The following TTC3 variants were observed in gnomAD, a reference collection of about 807,000 sequenced individuals.
TTC3 encodes tetratricopeptide repeat domain 3.
TTC3 carries 180 observed loss-of-function variants against 249.6 expected under a neutral mutation model. The ratio of observed to expected loss-of-function variants is 0.72; its 90% confidence interval spans 0.64 to 0.82. The LOEUF is 0.82. TTC3 is among the 40% of genes least tolerant of loss of function. The pLI is 0.00. For missense variants in TTC3, 2,061 were observed against 2,398.4 expected (o/e 0.86, Z 2.94); for synonymous variants, 717 against 805.0 (o/e 0.89, Z 1.85).
exon 46 of TTC3, chr21:37,201,989 T>C (rs2085544927): frequency 6.4e-6 from 1 of 157,072 alleles, no homozygotes; most frequent in Admixed American, 6.4e-5. Context: ...AGAGAGATGA[T>C]ACTGACTTTT....
At chr21:37,084,314 A>G (rs537273377) in intron 1 of TTC3, 8 of 152,338 alleles carry the variant, frequency 5.3e-5, no homozygotes, top group African/African-American at 1.7e-4. Context: ...CTGAGGAGGA[A>G]GTGGTCCACA....
At chr21:37,115,174 T>TGTA (rs71328555) in intron 11 of TTC3, among the ~76,000 whole-genome samples, 1 of 144,500 alleles carries the variant, frequency 6.9e-6, no homozygotes, top group Non-Finnish European at 1.5e-5. Context: ...AAACTTAAAG[T>TGTA]ATAATAATAA....
chr21:37,107,613 A>C (rs1241867200), intron 10 of TTC3: 1 of 152,212 alleles, frequency 6.6e-6, no homozygotes, highest in African/African-American at 2.4e-5. Flanking sequence ...CAGAGATGTT[A>C]ATAACTCCCT....
Position 37,166,633 on chromosome 21 carries a change from A to G in TTC3, c.4401+18A>G. The G allele has an allele frequency of 6.3e-7, 1 of 1,578,650 alleles. No individual in the cohort carries two copies. The highest frequency in any genetic ancestry group is 8.6e-7 in the Non-Finnish European group (1 of 1,160,798). Reference sequence around the variant, plus strand: ...CCATACAGGTAAGAGTTAAATAGAAAAGTCTTCTTAATACTGAAGTTAAAT... The same window carrying G: ...CCATACAGGTAAGAGTTAAATAGAAGAGTCTTCTTAATACTGAAGTTAAAT... On this transcript the variant is annotated intron_variant, in intron 33 of 45. Coordinates refer to ENST00000355666, the Ensembl canonical transcript of TTC3.
chr21:37,166,723 T>C, intron 33 of TTC3, 108 bp downstream of exon 33: 1 of 1,436,748 alleles, frequency 7.0e-7, no homozygotes. Context: ...GACTTTATAA[T>C]GATTACTGAA....
chr21:37,085,195 C>T (rs1040337332), intron 1 of TTC3, among the ~76,000 whole-genome samples: 10 of 152,068 alleles, frequency 6.6e-5, no homozygotes, highest in African/African-American at 1.9e-4. Flanking sequence ...TTGGCTCTTT[C>T]TGTATTTTAT....
intron 35 of TTC3, among the ~76,000 whole-genome samples, chr21:37,174,674 A>G (rs532856226): frequency 1.3e-5 from 2 of 152,310 alleles, no homozygotes; most frequent in South Asian, 2.1e-4. Flanking sequence ...CAGGGAAGCT[A>G]TAGAAATCTG....
At chr21:37,171,683 G>A (rs2081804255) in intron 34 of TTC3, among the ~76,000 whole-genome samples, 1 of 152,164 alleles carries the variant, frequency 6.6e-6, no homozygotes, top group South Asian at 2.1e-4. Context: ...AGTTAAGCAT[G>A]GACTCTATTT....
At chr21:37,198,440 A>G (rs2085149331) in intron 44 of TTC3, among the ~76,000 whole-genome samples, 1 of 152,196 alleles carries the variant, frequency 6.6e-6, no homozygotes, top group South Asian at 2.1e-4. Flanking sequence ...CAGATGTGTC[A>G]ATGTGTCGTG....
chr21:37,086,764 G>A (rs1436320627), intron 1 of TTC3: 1 of 159,386 alleles, frequency 6.3e-6, no homozygotes, highest in African/African-American at 2.4e-5. Context: ...AGTTCTCAGT[G>A]GAGTCAGGAT....
At chr21:37,146,625 T>C (rs1273226951) in intron 21 of TTC3, among the ~76,000 whole-genome samples, 1 of 152,206 alleles carries the variant, frequency 6.6e-6, no homozygotes, top group African/African-American at 2.4e-5. Flanking sequence ...AGTCCATTCC[T>C]ATGAAATCTC....
At chr21:37,134,356 C>T (rs2147931349) in intron 17 of TTC3, among the ~76,000 whole-genome samples, 1 of 151,966 alleles carries the variant, frequency 6.6e-6, no homozygotes, top group East Asian at 1.9e-4. Context: ...GAGGCTGAAG[C>T]AGGAGAATCG....
chr21:37,116,039 G>A (rs1360719275), intron 11 of TTC3, among the ~76,000 whole-genome samples: 1 of 152,056 alleles, frequency 6.6e-6, no homozygotes, highest in Non-Finnish European at 1.5e-5. Context: ...AGTGGCTATT[G>A]TGTGTCTTCC....
intron 41 of TTC3, 40 bp from the exon 42 acceptor site, chr21:37,195,635 G>A: frequency 6.5e-7 from 1 of 1,541,106 alleles, no homozygotes; most frequent in Non-Finnish European, 8.7e-7. Flanking sequence ...TCCTTCAAGG[G>A]AAGCCCTAAG....
chr21:37,095,289 A>C, intron 8 of TTC3, 61 bp from the exon 9 acceptor site: 2 of 1,065,216 alleles, frequency 1.9e-6, no homozygotes, highest in Non-Finnish European at 2.8e-6. Flanking sequence ...TTTACTAGGT[A>C]TTGGGTTCTT....
intron 34 of TTC3, among the ~76,000 whole-genome samples, chr21:37,171,892 G>T (rs888531241): frequency 2.6e-5 from 4 of 152,210 alleles, no homozygotes; most frequent in African/African-American, 9.7e-5. Context: ...GCTGGACCAG[G>T]TTTGTGCCTG....
At position 37,152,099 on chromosome 21, in the gene TTC3, T is replaced by C. The variant is rs1190559451; in HGVS notation, c.2413+70T>C. ...TAAATGTATAAATGTAAGCATCTTT[T>C]GGGCCTTATATTCATCATTATTGAA... On this transcript the variant is annotated intron_variant, in intron 26 of 45. Coordinates refer to ENST00000355666, the Ensembl canonical transcript of TTC3. The C allele has an allele frequency of 4.2e-6, 6 of 1,415,606 alleles. No individual in the cohort carries two copies. The South Asian group carries it at 5.1e-5, about 12-fold the overall frequency. The allele number at this position is 1,415,606 out of a possible 1,614,324, so 87.7% of individuals were successfully genotyped here.
Position 37,154,878 on chromosome 21 carries a change from G to T in TTC3, c.2740+1601G>T, listed in dbSNP as rs138040269. Among the ~76,000 whole-genome samples, 1,443 of 152,208 alleles carry T rather than the reference G, an allele frequency of 9.5e-3. 18 individuals carry two copies. The highest frequency in any genetic ancestry group is 0.033 in the African/African-American group (1,350 of 41,534). On this transcript the variant is annotated intron_variant, in intron 27 of 45. Coordinates refer to ENST00000355666, the Ensembl canonical transcript of TTC3. ...GCCTGGCTAATGTTTTGTATTTTTAGTAGAGACGGGGTTTCACCGTGTTAG... is the reference window on the plus strand; with the variant it reads ...GCCTGGCTAATGTTTTGTATTTTTATTAGAGACGGGGTTTCACCGTGTTAG...
At chr21:37,106,128 C>T (rs914084852) in intron 10 of TTC3, among the ~76,000 whole-genome samples, 4 of 151,990 alleles carry the variant, frequency 2.6e-5, no homozygotes, top group South Asian at 4.2e-4. Flanking sequence ...AGTGGTATAC[C>T]GCTGTGATTA....
Sources: gnomAD v4.1 joint callset for allele counts (sites outside exome capture counted in the v4.1 genomes callset) on GRCh38, gnomAD v4.1.1 for gene constraint, MANE v1.5 for transcripts, NCBI Gene and HGNC (gene_info 2026-07-23, HGNC 2026-07-21) for gene names.